The following DOK6 variants were observed in gnomAD, a reference collection of about 807,000 sequenced individuals.
DOK6 encodes docking protein 6, also known as downstream of tyrosine kinase 6.
DOK6 carries 22 observed loss-of-function variants against 44.0 expected under a neutral mutation model. The ratio of observed to expected loss-of-function variants is 0.50; its 90% confidence interval spans 0.36 to 0.71. The LOEUF (loss-of-function observed/expected upper bound fraction) is 0.71, where lower values mean the gene tolerates loss of function less well. DOK6 is among the 30% of genes least tolerant of loss of function. DOK6 has a pLI of 0.00. For synonymous variants in DOK6, 166 were observed against 145.5 expected (o/e 1.14, Z -1.01); for missense variants, 340 against 416.4 (o/e 0.82, Z 1.60).
intron 3 of DOK6, among the ~76,000 whole-genome samples, chr18:69,602,871 T>C (rs1983904832): frequency 6.6e-6 from 1 of 152,346 alleles, no homozygotes; most frequent in East Asian, 1.9e-4. Context: ...ATAACTGGTG[T>C]TTGAAAAACT....
intron 5 of DOK6, among the ~76,000 whole-genome samples, chr18:69,730,858 G>A (rs1473809038): frequency 1.3e-5 from 2 of 152,142 alleles, no homozygotes; most frequent in East Asian, 1.9e-4. Context: ...TGTAATCTCA[G>A]CACTTTGGGA....
intron 2 of DOK6, among the ~76,000 whole-genome samples, chr18:69,591,021 A>G (rs1983609583): frequency 6.6e-6 from 1 of 152,178 alleles, no homozygotes; most frequent in South Asian, 2.1e-4. Context: ...TGCATTTGCA[A>G]CAGTAATTAA....
At chr18:69,473,032 A>G (rs1486810724) in intron 1 of DOK6, among the ~76,000 whole-genome samples, 2 of 152,222 alleles carry the variant, frequency 1.3e-5, no homozygotes, top group Non-Finnish European at 2.9e-5. Context: ...AGAAAAACAT[A>G]TTTTATGTTT....
intron 1 of DOK6, among the ~76,000 whole-genome samples, chr18:69,509,995 T>C (rs1484182473): frequency 1.3e-5 from 2 of 152,242 alleles, no homozygotes; most frequent in African/African-American, 4.8e-5. Flanking sequence ...TGTCCTGTTT[T>C]ATTAAATCAA....
chr18:69,680,129 C>A (rs1986012189), intron 4 of DOK6, among the ~76,000 whole-genome samples: 1 of 152,242 alleles, frequency 6.6e-6, no homozygotes, highest in African/African-American at 2.4e-5. Flanking sequence ...ATATAGTTAA[C>A]AAATCTATGA....
At chr18:69,581,375 A>C (rs961147958) in intron 2 of DOK6, among the ~76,000 whole-genome samples, 2 of 152,210 alleles carry the variant, frequency 1.3e-5, no homozygotes, top group Non-Finnish European at 2.9e-5. Context: ...AAAAGCTCAA[A>C]ACATATGGAC....
At chr18:69,639,416 G>A (rs1266043586) in intron 3 of DOK6, among the ~76,000 whole-genome samples, 3 of 152,300 alleles carry the variant, frequency 2.0e-5, no homozygotes, top group Non-Finnish European at 4.4e-5. Context: ...GGACTCGGCC[G>A]ATGAGGAAGG....
chr18:69,732,405 G>T (rs565938870), intron 5 of DOK6, among the ~76,000 whole-genome samples: 18 of 152,190 alleles, frequency 1.2e-4, no homozygotes, highest in African/African-American at 3.1e-4. Context: ...ATATATTGAG[G>T]TAATGCAAGT....
At chr18:69,633,787 G>C (rs949688847) in intron 3 of DOK6, among the ~76,000 whole-genome samples, 7 of 152,016 alleles carry the variant, frequency 4.6e-5, no homozygotes, top group Non-Finnish European at 5.9e-5. Flanking sequence ...AGACAATAAG[G>C]AGTATATGTT....
intron 5 of DOK6, among the ~76,000 whole-genome samples, chr18:69,706,879 G>A (rs1205404976): frequency 6.6e-6 from 1 of 151,402 alleles, no homozygotes; most frequent in East Asian, 1.9e-4. Flanking sequence ...ATTTTTTATG[G>A]CTGCATAGTA....
intron 5 of DOK6, among the ~76,000 whole-genome samples, chr18:69,736,989 G>A (rs1017849979): frequency 6.6e-6 from 1 of 152,204 alleles, no homozygotes; most frequent in African/African-American, 2.4e-5. Context: ...ACCATGCTTT[G>A]AGGAGCAAGT....
intron 7 of DOK6, among the ~76,000 whole-genome samples, chr18:69,770,845 T>C (rs968251925): frequency 6.6e-6 from 1 of 152,006 alleles, no homozygotes; most frequent in African/African-American, 2.4e-5. Flanking sequence ...TCTTACACTT[T>C]CCACTCTCCT....
At chr18:69,605,686 CA>C (rs1198147409) in intron 3 of DOK6, among the ~76,000 whole-genome samples, 3 of 151,962 alleles carry the variant, frequency 2.0e-5, no homozygotes, top group Non-Finnish European at 4.4e-5. Flanking sequence ...TCACAATATT[CA>C]AAGACATTCA....
chr18:69,538,120 T>C (rs1982170952), intron 1 of DOK6, among the ~76,000 whole-genome samples: 1 of 152,220 alleles, frequency 6.6e-6, no homozygotes, highest in Non-Finnish European at 1.5e-5. Flanking sequence ...TCTTTTCTCA[T>C]GTATCTATCT....
intron 1 of DOK6, among the ~76,000 whole-genome samples, chr18:69,543,422 G>T (rs1599182791): frequency 6.6e-6 from 1 of 151,682 alleles, no homozygotes; most frequent in East Asian, 1.9e-4. Flanking sequence ...ACTTCACAAA[G>T]AAACAAGGAT....
chr18:69,472,694 A>G (rs1391874172), intron 1 of DOK6, among the ~76,000 whole-genome samples: 2 of 152,126 alleles, frequency 1.3e-5, no homozygotes, highest in African/African-American at 4.8e-5. Flanking sequence ...ACACACATGC[A>G]TACATACGTA....
At chr18:69,760,504 C>A (rs150331070) in intron 7 of DOK6, among the ~76,000 whole-genome samples, 109 of 152,110 alleles carry the variant, frequency 7.2e-4, no homozygotes, top group Admixed American at 1.9e-3. Context: ...AAGCAGGCGC[C>A]TTGAGAAACC....
chr18:69,511,551 T>G (rs1282948758), intron 1 of DOK6, among the ~76,000 whole-genome samples: 8 of 152,192 alleles, frequency 5.3e-5, no homozygotes, highest in Non-Finnish European at 1.0e-4. Context: ...CATAAGCACT[T>G]TGTCATTTTC....
chr18:69,718,591 T>TA (rs2144721448), intron 5 of DOK6, among the ~76,000 whole-genome samples: 1 of 152,302 alleles, frequency 6.6e-6, no homozygotes, highest in South Asian at 2.1e-4. Flanking sequence ...CTATTTAGCT[T>TA]AAAAAAGAAA....
Sources: allele counts gnomAD v4.1 joint callset (sites outside exome capture counted in the v4.1 genomes callset), GRCh38; gene constraint gnomAD v4.1.1; transcripts MANE v1.5; gene names NCBI Gene and HGNC (gene_info 2026-07-23, HGNC 2026-07-21).